PRR11: variants seen among roughly 807,000 people sequenced by gnomAD.
PRR11 encodes proline-rich protein 11.
Under a neutral mutation model 45.6 loss-of-function variants are expected in PRR11, and 30 were observed. The ratio of observed to expected loss-of-function variants is 0.66; its 90% CI spans 0.49 to 0.89. The LOEUF (loss-of-function observed/expected upper bound fraction) is 0.89. PRR11 is among the 40% of genes least tolerant of loss of function. The pLI is 0.00. For missense variants in PRR11, 373 were observed against 424.8 expected (o/e 0.88, Z 1.07); for synonymous variants, 128 against 153.5 (o/e 0.83, Z 1.23).
At chr17:59,185,395 ATCATATTAC>A in intron 3 of PRR11, 36 bp from the exon 4 acceptor site, 2 of 1,571,548 alleles carry the variant, frequency 1.3e-6, no homozygotes, top group African/African-American at 2.8e-5. Context: ...TCTTGTCCTT[ATCATATTAC>A]TCATAGGACT....
At chr17:59,170,146 G>A (rs1164757840) in intron 2 of PRR11, among the ~76,000 whole-genome samples, 1 of 151,916 alleles carries the variant, frequency 6.6e-6, no homozygotes, top group Non-Finnish European at 1.5e-5. Context: ...CAGCTTCTCG[G>A]GAGACTTAGG....
chr17:59,172,123 G>C (rs1444822564), intron 2 of PRR11, among the ~76,000 whole-genome samples: 1 of 152,214 alleles, frequency 6.6e-6, no homozygotes, highest in Non-Finnish European at 1.5e-5. Context: ...ATCTGTTACA[G>C]TCTATGGCAC....
At chr17:59,198,082 C>G (rs2046875384) in intron 9 of PRR11, among the ~76,000 whole-genome samples, 1 of 152,092 alleles carries the variant, frequency 6.6e-6, no homozygotes, top group Non-Finnish European at 1.5e-5. Context: ...CCACTGCACT[C>G]CAGTCTGGGT....
Position 59,202,022 on chromosome 17 carries a change from G to T in PRR11, c.*391G>T, listed in dbSNP as rs536770730. ...AAATCCTTTTTTTTAATGTAGTAGG[G>T]TTTATATAGATATACTAATATAATT... On this transcript the variant is annotated 3_prime_UTR_variant, in exon 10 of 10. Transcript: ENST00000262293. The T allele has an allele frequency of 1.0e-4, 21 of 201,082 alleles. No individual in the cohort carries two copies. Among genetic ancestry groups the T allele is most frequent in the African/African-American group, 4.8e-4 (21 of 43,688 alleles). 12.5% of individuals were successfully genotyped at this position (201,082 alleles called of 1,614,324 possible). A position where few individuals can be genotyped will look rare whatever the true frequency, so the allele number is the denominator to read the frequency against.
intron 2 of PRR11, among the ~76,000 whole-genome samples, chr17:59,174,094 A>G (rs189073301): frequency 7.5e-4 from 115 of 152,322 alleles, no homozygotes; most frequent in African/African-American, 2.3e-3. Flanking sequence ...TGAAACTCAC[A>G]GTTTGGTAAC....
chr17:59,168,081 C>T (rs866813166), intron 1 of PRR11, among the ~76,000 whole-genome samples: 7 of 152,084 alleles, frequency 4.6e-5, no homozygotes, highest in African/African-American at 9.7e-5. Context: ...TTCCTCCCCA[C>T]CTTTCCCAGT....
intron 1 of PRR11, among the ~76,000 whole-genome samples, chr17:59,163,163 T>C (rs566403864): frequency 6.6e-6 from 1 of 152,252 alleles, no homozygotes; most frequent in African/African-American, 2.4e-5. Flanking sequence ...CAATCTCGGC[T>C]CACTGCAACC....
At chr17:59,175,217 G>C (rs11655895) in intron 2 of PRR11, 55,132 of 433,804 alleles carry the variant, frequency 0.13, 4,132 homozygotes, top group South Asian at 0.22. Context: ...GGCAGGGGAC[G>C]ATCCTCAGCT....
At position 59,197,793 on chromosome 17, in the gene PRR11, A is replaced by G; in HGVS notation, c.1014+4A>G. ...GGCCTTAAGGAGAAAGTTTCAGGTA[A>G]CCCTTTAGGAAAAGAATATTGGTTC... is the stretch of plus-strand genomic sequence containing the variant. On this transcript the variant is annotated splice_donor_region_variant and intron_variant, in intron 9 of 9. Coordinates refer to ENST00000262293, the MANE Select transcript of PRR11 (RefSeq NM_018304.4). The G allele has an allele frequency of 1.2e-6, 2 of 1,609,784 alleles. No individual in the cohort carries two copies. The highest frequency in any genetic ancestry group is 1.7e-6 in the Non-Finnish European group (2 of 1,176,468).
intron 1 of PRR11, among the ~76,000 whole-genome samples, chr17:59,157,269 A>G (rs1294364121): frequency 1.3e-5 from 2 of 152,230 alleles, no homozygotes; most frequent in African/African-American, 4.8e-5. Flanking sequence ...GAAATTTGTC[A>G]CACCCTTGAA....
At chr17:59,178,524 A>G in intron 2 of PRR11, 3 of 526,012 alleles carry the variant, frequency 5.7e-6, no homozygotes, top group South Asian at 4.1e-5. Flanking sequence ...TTTTAATGAC[A>G]GGATCCTCTG....
chr17:59,203,298 C>T lies in PRR11; in HGVS notation c.*1667C>T, dbSNP rs2046901501. Among the ~76,000 whole-genome samples the T allele has an allele frequency of 6.6e-6, 1 of 152,142 alleles. No homozygotes were observed. The highest frequency in any genetic ancestry group is 1.5e-5 in the Non-Finnish European group (1 of 68,036). On this transcript the variant is annotated 3_prime_UTR_variant, in exon 10 of 10. Transcript: ENST00000262293. ...GGAGTGCAGTGGCGCAATCTTGGCT[C>T]ACTGCAACCTCCACCTCCCAGGTTC...
chr17:59,189,040 T>C (rs2046828052), intron 4 of PRR11, among the ~76,000 whole-genome samples: 1 of 151,534 alleles, frequency 6.6e-6, no homozygotes, highest in Admixed American at 6.6e-5. Flanking sequence ...CCATGTATTA[T>C]TAAAATGTAT....
At chr17:59,182,891 C>G (rs1375715006) in intron 2 of PRR11, among the ~76,000 whole-genome samples, 2 of 152,140 alleles carry the variant, frequency 1.3e-5, no homozygotes, top group Non-Finnish European at 2.9e-5. Flanking sequence ...ACCCACGGAA[C>G]CTAGTCTCTG....
chr17:59,197,611 A>G lies in PRR11; in HGVS notation c.917+8A>G, dbSNP rs766558847. The G allele has an allele frequency of 4.3e-6, 7 of 1,611,792 alleles. No homozygotes were observed. The Admixed American group carries it at 6.7e-5, about 15-fold the overall frequency. ...AAAAGTCGATGTAGAGAGGTAATAC[A>G]CTCTCATATCTTTATGCCTTCTACG... is the stretch of plus-strand genomic sequence containing the variant. On this transcript the variant is annotated splice_region_variant and intron_variant, in intron 8 of 9. Transcript: ENST00000262293.
chr17:59,169,935 T>TA (rs1483289650), intron 2 of PRR11, 55 bp downstream of exon 2: 1 of 1,524,994 alleles, frequency 6.6e-7, no homozygotes, highest in Non-Finnish European at 8.8e-7. Context: ...CAGTTTAAGA[T>TA]AGAGTTTCAG....
rs1037391560 is a variant in PRR11, at chr17:59,181,766, C to A, written c.129-3288C>A. On this transcript the variant is annotated intron_variant, in intron 2 of 9. Coordinates refer to ENST00000262293, the MANE Select transcript of PRR11 (RefSeq NM_018304.4). Reference sequence around the variant, plus strand: ...CCAGGGGCTGAGTAAAGAAACCAGGCCACCATGTAATGCTTCTGCAACTGA... The same window carrying A: ...CCAGGGGCTGAGTAAAGAAACCAGGACACCATGTAATGCTTCTGCAACTGA... 7.1e-6 allele frequency: 11 copies of A among 1,555,640 alleles called. No individual in the cohort carries two copies. In the Admixed American group the frequency reaches 1.5e-4, roughly 21 times the overall value.
At chr17:59,197,523 T>G (rs189245831) in intron 7 of PRR11, 21 bp from the exon 8 acceptor site, 1 of 1,609,702 alleles carries the variant, frequency 6.2e-7, no homozygotes, top group Admixed American at 1.7e-5. Context: ...AGTTCTAATT[T>G]TTATATCTTT....
intron 2 of PRR11, among the ~76,000 whole-genome samples, chr17:59,176,663 G>A (rs191787299): frequency 7.8e-5 from 10 of 128,330 alleles, no homozygotes; most frequent in East Asian, 2.2e-4. Context: ...GTACACTGGC[G>A]TTGGAATTTG....
Sources: gnomAD v4.1 joint callset for allele counts (sites outside exome capture counted in the v4.1 genomes callset) on GRCh38, gnomAD v4.1.1 for gene constraint, MANE v1.5 for transcripts, NCBI Gene and HGNC (gene_info 2026-07-23, HGNC 2026-07-21) for gene names.